The following DGKB variants were observed in gnomAD, a reference collection of about 807,000 sequenced individuals.
DGKB encodes the protein 90 kDa diacylglycerol kinase.
DGKB carries 67 observed loss-of-function variants against 114.3 expected under a neutral mutation model. The ratio of observed to expected loss-of-function variants is 0.59; its 90% CI spans 0.48 to 0.72. The LOEUF is 0.72. Among genes scored for constraint, DGKB ranks in the 30% least tolerant of loss-of-function variants. DGKB has a pLI of 0.00. For synonymous variants in DGKB, 398 were observed against 323.1 expected (o/e 1.23, Z -2.49); for missense variants, 907 against 975.2 (o/e 0.93, Z 0.93).
chr7:14,555,540 G>A (rs1192860559), intron 20 of DGKB, among the ~76,000 whole-genome samples: 1 of 152,096 alleles, frequency 6.6e-6, no homozygotes, highest in Non-Finnish European at 1.5e-5. Flanking sequence ...TAATAATACT[G>A]AATCTGTCCA....
At chr7:14,957,858 G>A (rs1009408196) in intron 1 of DGKB, among the ~76,000 whole-genome samples, 1 of 151,952 alleles carries the variant, frequency 6.6e-6, no homozygotes, top group Non-Finnish European at 1.5e-5. Context: ...TTAAATGAAT[G>A]ATACAAATAA....
chr7:14,230,110 C>T (rs1791482617), intron 23 of DGKB, among the ~76,000 whole-genome samples: 1 of 151,874 alleles, frequency 6.6e-6, no homozygotes, highest in South Asian at 2.1e-4. Flanking sequence ...TGTACTAAAC[C>T]TGAACTTAAC....
chr7:14,925,660 G>A (rs983240620), intron 1 of DGKB, among the ~76,000 whole-genome samples: 6 of 152,060 alleles, frequency 3.9e-5, no homozygotes, highest in African/African-American at 1.4e-4. Context: ...TAGAGCAATT[G>A]TAAATCGTAT....
At chr7:14,263,401 C>T (rs931091235) in intron 23 of DGKB, among the ~76,000 whole-genome samples, 14 of 152,106 alleles carry the variant, frequency 9.2e-5, no homozygotes, top group African/African-American at 3.4e-4. Context: ...TCTCCCTAAG[C>T]TCATCTATTG....
At chr7:14,266,030 T>A (rs901618978) in intron 23 of DGKB, among the ~76,000 whole-genome samples, 5 of 152,168 alleles carry the variant, frequency 3.3e-5, no homozygotes, top group African/African-American at 1.2e-4. Flanking sequence ...AGTCGGTAAA[T>A]GCTACTGAGT....
chr7:14,822,129 T>A (rs563178549), intron 2 of DGKB, among the ~76,000 whole-genome samples: 11 of 152,324 alleles, frequency 7.2e-5, no homozygotes, highest in African/African-American at 2.6e-4. Context: ...ATGCATTTTT[T>A]AACTGTTAAA....
intron 23 of DGKB, among the ~76,000 whole-genome samples, chr7:14,226,529 T>C (rs571117416): frequency 6.6e-6 from 1 of 152,156 alleles, no homozygotes; most frequent in East Asian, 1.9e-4. Flanking sequence ...TGAAGTATTT[T>C]AATTGGCATT....
intron 6 of DGKB, among the ~76,000 whole-genome samples, chr7:14,713,461 TC>T (rs1441416853): frequency 2.0e-5 from 3 of 152,062 alleles, no homozygotes; most frequent in African/African-American, 7.2e-5. Context: ...GTGTTTGACA[TC>T]CAGTTTAATG....
intron 23 of DGKB, among the ~76,000 whole-genome samples, chr7:14,231,083 C>G (rs987953722): frequency 1.1e-4 from 3 of 27,468 alleles, no homozygotes; most frequent in Non-Finnish European, 2.0e-4. Flanking sequence ...TCTTCTTTCC[C>G]TTTCTTTCTT....
intron 1 of DGKB, among the ~76,000 whole-genome samples, chr7:14,898,384 C>T (rs1403927071): frequency 6.6e-6 from 1 of 151,976 alleles, no homozygotes; most frequent in African/African-American, 2.4e-5. Flanking sequence ...GGGTTCAAAC[C>T]CCGGCTCTAT....
At chr7:14,727,105 C>T (rs1189766063) in intron 5 of DGKB, among the ~76,000 whole-genome samples, 1 of 151,630 alleles carries the variant, frequency 6.6e-6, no homozygotes, top group Admixed American at 6.6e-5. Context: ...CATGAAAGTA[C>T]AAAAATGTTA....
chr7:14,474,744 T>C (rs1331247969), intron 21 of DGKB, among the ~76,000 whole-genome samples: 1 of 152,028 alleles, frequency 6.6e-6, no homozygotes, highest in Non-Finnish European at 1.5e-5. Context: ...TGTTTATGAA[T>C]ACTAATTGAC....
chr7:14,714,534 A>AGTT (rs1263108968), intron 6 of DGKB, among the ~76,000 whole-genome samples: 1 of 152,128 alleles, frequency 6.6e-6, no homozygotes, highest in Non-Finnish European at 1.5e-5. Flanking sequence ...TAAGTATGTT[A>AGTT]GTTGATAAGG....
rs186008628 is a variant in DGKB, at chr7:14,270,751, A to G, written c.2122+67764T>C. 4.8e-3 allele frequency among the ~76,000 whole-genome samples: 729 copies of G among 152,292 alleles called. 5 individuals carry two copies. Among genetic ancestry groups the G allele is most frequent in the Non-Finnish European group, 5.0e-3 (337 of 68,032 alleles). On this transcript the variant is annotated intron_variant, in intron 23 of 25. Coordinates refer to ENST00000402815, the MANE Select transcript of DGKB (RefSeq NM_001350709.2). ...TACTAAATAGATGTCCTGAAGGCCTATTGCCTGTGAAGCCCTGTGCTGGAA... is the reference window on the plus strand; with the variant it reads ...TACTAAATAGATGTCCTGAAGGCCTGTTGCCTGTGAAGCCCTGTGCTGGAA...
chr7:14,891,390 T>C (rs1223600739), intron 1 of DGKB, among the ~76,000 whole-genome samples: 1 of 151,446 alleles, frequency 6.6e-6, no homozygotes, highest in Non-Finnish European at 1.5e-5. Context: ...TTTAGGTACC[T>C]GTTTTATGCC....
At chr7:14,434,127 A>G (rs1229659791) in intron 21 of DGKB, among the ~76,000 whole-genome samples, 3 of 152,086 alleles carry the variant, frequency 2.0e-5, no homozygotes, top group Non-Finnish European at 4.4e-5. Flanking sequence ...AATCAAAGAG[A>G]TTTTTCAGTT....
intron 21 of DGKB, among the ~76,000 whole-genome samples, chr7:14,401,981 C>T (rs1026989540): frequency 2.8e-5 from 4 of 145,060 alleles, no homozygotes; most frequent in Non-Finnish European, 3.0e-5. Flanking sequence ...CACACACACA[C>T]ACACACCCGC....
At chr7:14,923,018 T>A (rs1784582878) in intron 1 of DGKB, among the ~76,000 whole-genome samples, 1 of 152,176 alleles carries the variant, frequency 6.6e-6, no homozygotes, top group African/African-American at 2.4e-5. Flanking sequence ...CATCCCTCCT[T>A]TTCCACCACA....
chr7:14,292,776 G>A lies in DGKB; in HGVS notation c.2122+45739C>T, dbSNP rs190779310. 7.2e-5 allele frequency among the ~76,000 whole-genome samples: 11 copies of A among 152,310 alleles called. No individual in the cohort carries two copies. In the East Asian group the frequency reaches 1.9e-3, roughly 27 times the overall value. ...TGTCTGATTTGAAGCCATGAAATGA[G>A]AGGCTTCTGTTTTTGAAATCAGTTT... On this transcript the variant is annotated intron_variant, in intron 23 of 25. Transcript: ENST00000402815.
Sources: gnomAD v4.1 joint callset for allele counts (sites outside exome capture counted in the v4.1 genomes callset) on GRCh38, gnomAD v4.1.1 for gene constraint, MANE v1.5 for transcripts, NCBI Gene and HGNC (gene_info 2026-07-23, HGNC 2026-07-21) for gene names.